Variants in MBNL2 observed in about 807,000 individuals in gnomAD.
MBNL2 encodes muscleblind like splicing regulator 2.
A neutral mutation model predicts 41.9 loss-of-function variants in MBNL2; 17 were observed. The observed-to-expected ratio is 0.41, with a 90% CI of 0.28 to 0.61. The LOEUF (loss-of-function observed/expected upper bound fraction) is 0.61, where lower values mean the gene tolerates loss of function less well. Ranked by LOEUF, MBNL2 falls within the 20% of genes least tolerant of loss-of-function variation. MBNL2 has a pLI of 0.35. For missense variants in MBNL2, 336 were observed against 505.6 expected, an observed-to-expected ratio of 0.66 and a Z score of 3.22; for synonymous variants, 195 against 182.9, an observed-to-expected ratio of 1.07 and a Z score of -0.53.
At chr13:97,294,999 G>A (rs956168905) in intron 2 of MBNL2, among the ~76,000 whole-genome samples, 4 of 152,204 alleles carry the variant, frequency 2.6e-5, no homozygotes, top group Non-Finnish European at 4.4e-5. Context: ...TTGCCAGTTT[G>A]AAATGTTATG....
rs939998549 is a variant in MBNL2 at position 97,366,999 on chromosome 13, A to G, written c.1048+1828A>G. On this transcript the variant is annotated intron_variant, in intron 8 of 8. Transcript: ENST00000679496. The surrounding 1 kb of genome is among the most constrained non-coding windows in gnomAD (Gnocchi z 4.7). ...GTCATATTTGAGGCCTAAGTGTCAT[A>G]TTTGAGGTCTGAATAATTCTTATGA... Among the ~76,000 whole-genome samples the G allele has an allele frequency of 1.3e-5, 2 of 152,178 alleles. No individual in the cohort carries two copies. The highest frequency in any genetic ancestry group is 1.3e-4 in the Admixed American group (2 of 15,278).
intron 8 of MBNL2, among the ~76,000 whole-genome samples, chr13:97,384,149 C>T (rs974367221): frequency 3.9e-5 from 6 of 152,082 alleles, no homozygotes; most frequent in African/African-American, 1.4e-4. Context: ...GATCTGTCCA[C>T]CTAGGCCTCC....
chr13:97,145,156 C>A, the MBNL2 span, among the ~76,000 whole-genome samples: 1 of 152,144 alleles, frequency 6.6e-6, no homozygotes, highest in African/African-American at 2.4e-5. Context: ...AGCCTGGGTC[C>A]CTGAACAACT....
chr13:97,162,187 CT>C, the MBNL2 span, among the ~76,000 whole-genome samples: 1 of 152,100 alleles, frequency 6.6e-6, no homozygotes, highest in Non-Finnish European at 1.5e-5. Context: ...AAATGCGCCC[CT>C]AAGAGTCAAT....
intron 2 of MBNL2, among the ~76,000 whole-genome samples, chr13:97,317,063 C>A (rs944590172): frequency 6.6e-6 from 1 of 152,126 alleles, no homozygotes; most frequent in Non-Finnish European, 1.5e-5. Context: ...CCTGGACCAG[C>A]CTGACAATGC....
chr13:97,146,611 T>C, the MBNL2 span, among the ~76,000 whole-genome samples: 1 of 152,146 alleles, frequency 6.6e-6, no homozygotes, highest in East Asian at 1.9e-4. Context: ...GACAGAAAAA[T>C]TGCCTGAAGC....
chr13:97,347,204 C>T, intron 5 of MBNL2, 137 bp downstream of exon 5: 3 of 685,370 alleles, frequency 4.4e-6, no homozygotes, highest in African/African-American at 1.9e-5. Flanking sequence ...CTAAGTTTTG[C>T]TGTTGTTTTC....
chr13:97,231,394 G>A (rs111382067), intron 1 of MBNL2, among the ~76,000 whole-genome samples: 68 of 152,156 alleles, frequency 4.5e-4, no homozygotes, highest in Admixed American at 1.2e-3. Context: ...CATCCAGGAG[G>A]CTCCAGAATA....
chr13:97,347,064 C>A lies in MBNL2; in HGVS notation c.801C>A (p.Val267=). 1 of 1,589,324 alleles carries A rather than the reference C, an allele frequency of 6.3e-7. No individual in the cohort carries two copies. Among genetic ancestry groups the A allele is most frequent in the South Asian group, 1.1e-5 (1 of 89,218 alleles). Residue 267 remains valine, a synonymous_variant, in exon 5 of 9, where the codon GTC becomes GTA. Coordinates refer to ENST00000679496, the MANE Select transcript of MBNL2 (RefSeq NM_001382683.1). ...AAQAAAAAAT[V]MTQSTAKAMK... is the part of the protein sequence containing the mutation. ...AGGCAGCCGCGGCCGCGGCCACAGT[C>A]ATGGTAAGTGCGGCCGCCCGCCGCC...
intron 1 of MBNL2, among the ~76,000 whole-genome samples, chr13:97,257,502 G>T (rs1238499055): frequency 6.6e-6 from 1 of 152,302 alleles, no homozygotes; most frequent in Non-Finnish European, 1.5e-5. Flanking sequence ...ACAGGCCAGT[G>T]GACCTGGGAG....
At chr13:97,175,806 A>G in the MBNL2 span, among the ~76,000 whole-genome samples, 1 of 150,286 alleles carries the variant, frequency 6.7e-6, no homozygotes, top group African/African-American at 2.5e-5. Flanking sequence ...AAAAGTGGAC[A>G]CAGCTAAGGG....
At chr13:97,170,956 G>A in the MBNL2 span, among the ~76,000 whole-genome samples, 1 of 152,298 alleles carries the variant, frequency 6.6e-6, no homozygotes, top group Middle Eastern at 3.4e-3. Context: ...AGACAAGAGG[G>A]AGAGGAGCTG....
intron 1 of MBNL2, among the ~76,000 whole-genome samples, chr13:97,275,088 T>C (rs1278297467): frequency 6.6e-6 from 1 of 152,134 alleles, no homozygotes; most frequent in African/African-American, 2.4e-5. Flanking sequence ...ATTAGGTAAG[T>C]CATGGTGGAG....
intron 1 of MBNL2, among the ~76,000 whole-genome samples, chr13:97,257,750 T>C (rs2047832565): frequency 6.6e-6 from 1 of 152,200 alleles, no homozygotes; most frequent in Non-Finnish European, 1.5e-5. Flanking sequence ...CAGGGTGTGC[T>C]CCTCAGATTT....
At chr13:97,196,594 ACAACACCTATAG>A in the MBNL2 span, among the ~76,000 whole-genome samples, 1 of 152,146 alleles carries the variant, frequency 6.6e-6, no homozygotes, top group Non-Finnish European at 1.5e-5. Flanking sequence ...GGAGCCCAGG[ACAACACCTATAG>A]CTATGGAGGT....
intron 8 of MBNL2, among the ~76,000 whole-genome samples, chr13:97,388,314 C>CATACATATATATATATAT (rs1555323244): frequency 2.1e-5 from 3 of 139,698 alleles, no homozygotes; most frequent in African/African-American, 8.0e-5. Flanking sequence ...TACATACATA[C>CATACATATATATATATAT]ATATATATAT....
At chr13:97,192,781 A>G in the MBNL2 span, among the ~76,000 whole-genome samples, 1 of 152,256 alleles carries the variant, frequency 6.6e-6, no homozygotes, top group Non-Finnish European at 1.5e-5. Context: ...ACTCTCAAAC[A>G]AGCAGCTCAG....
chr13:97,371,694 A>T (rs983656316), intron 8 of MBNL2, among the ~76,000 whole-genome samples: 3 of 152,148 alleles, frequency 2.0e-5, no homozygotes, highest in African/African-American at 7.2e-5. Flanking sequence ...AGAGGTTTTA[A>T]CAAGAGCCTA....
chr13:97,391,566 C>A lies in MBNL2; in HGVS notation c.*117C>A. 1.5e-6 allele frequency: 1 copy of A among 675,970 alleles called. No individual in the cohort carries two copies. The allele number at this position is 675,970 out of a possible 1,614,324, so 41.9% of individuals were successfully genotyped here. A position where few individuals can be genotyped will look rare whatever the true frequency, so the allele number is the denominator to read the frequency against. On this transcript the variant is annotated 3_prime_UTR_variant, in exon 9 of 9. Coordinates refer to ENST00000679496, the MANE Select transcript of MBNL2 (RefSeq NM_001382683.1). ...ATTCCAACCTAAGATAGTTAACTAC[C>A]TGAGACCAGCTGTGATGTTTAAAGA...
Sources: allele counts gnomAD v4.1 joint callset (sites outside exome capture counted in the v4.1 genomes callset), GRCh38; gene constraint gnomAD v4.1.1; non-coding constraint Gnocchi (gnomAD v3.1); transcripts MANE v1.5; gene names NCBI Gene and HGNC (gene_info 2026-07-23, HGNC 2026-07-21).